ROBO2: variants seen among roughly 807,000 people sequenced by gnomAD.
The protein encoded by ROBO2 is roundabout homolog 2.
In ROBO2, 53 loss-of-function variants were observed where a neutral mutation model predicts 160.8. The ratio of observed to expected loss-of-function variants is 0.33; its 90% CI spans 0.26 to 0.41. ROBO2 has a LOEUF of 0.41. ROBO2 is among the 10% of genes least tolerant of loss of function. ROBO2 has a pLI of 1.00. For synonymous variants in ROBO2, 664 were observed against 611.7 expected (o/e 1.09, Z -1.26); for missense variants, 1,577 against 1,722.4 (o/e 0.92, Z 1.49).
chr3:77,097,058 C>G (rs2071177070), intron 1 of ROBO2, among the ~76,000 whole-genome samples: 1 of 152,174 alleles, frequency 6.6e-6, no homozygotes, highest in African/African-American at 2.4e-5. Context: ...GTCACTGCCC[C>G]CTTAAAAATC....
intron 2 of ROBO2, among the ~76,000 whole-genome samples, chr3:76,978,450 A>C (rs182912872): frequency 1.4e-4 from 22 of 152,290 alleles, no homozygotes; most frequent in Non-Finnish European, 3.1e-4. Context: ...TGAGATTTTT[A>C]GGAATATATT....
intron 2 of ROBO2, among the ~76,000 whole-genome samples, chr3:76,134,334 G>T (rs2071346552): frequency 6.6e-6 from 1 of 151,990 alleles, no homozygotes; most frequent in Non-Finnish European, 1.5e-5. Flanking sequence ...GACACACCCA[G>T]TGATGACCCT....
chr3:76,706,113 A>G (rs2093157212), intron 2 of ROBO2, among the ~76,000 whole-genome samples: 1 of 152,160 alleles, frequency 6.6e-6, no homozygotes, highest in Non-Finnish European at 1.5e-5. Context: ...TTTTGTCATA[A>G]CAATTGGCAT....
intron 2 of ROBO2, among the ~76,000 whole-genome samples, chr3:76,081,288 G>A (rs569051390): frequency 6.6e-6 from 1 of 152,098 alleles, no homozygotes; most frequent in East Asian, 1.9e-4. Context: ...ACTTGATGTA[G>A]ATACTTGAAT....
chr3:76,621,826 G>C (rs991215282), intron 2 of ROBO2, among the ~76,000 whole-genome samples: 1 of 152,126 alleles, frequency 6.6e-6, no homozygotes. Flanking sequence ...AGACTCCACA[G>C]TATGGCAGTA....
At chr3:77,279,665 C>A (rs1238728655) in intron 2 of ROBO2, among the ~76,000 whole-genome samples, 1 of 151,956 alleles carries the variant, frequency 6.6e-6, no homozygotes, top group East Asian at 1.9e-4. Context: ...CTTTACTTCT[C>A]TTTGATATAG....
intron 2 of ROBO2, among the ~76,000 whole-genome samples, chr3:75,951,618 T>A (rs1008062386): frequency 1.4e-4 from 22 of 152,058 alleles, no homozygotes; most frequent in Admixed American, 7.2e-4. Context: ...GGCTTTGGAA[T>A]TCAGGGGAAT....
At chr3:75,942,585 G>T (rs1399506314) in intron 2 of ROBO2, among the ~76,000 whole-genome samples, 9 of 152,014 alleles carry the variant, frequency 5.9e-5, no homozygotes, top group Non-Finnish European at 1.3e-4. Flanking sequence ...AATTATAAAT[G>T]CAAATATTCA....
At chr3:76,357,380 T>A (rs990458372) in intron 2 of ROBO2, among the ~76,000 whole-genome samples, 2 of 151,932 alleles carry the variant, frequency 1.3e-5, no homozygotes, top group African/African-American at 4.8e-5. Context: ...AGAAGTGAGT[T>A]ACTGGAACAT....
chr3:76,227,158 T>C, intron 2 of ROBO2, among the ~76,000 whole-genome samples: 1 of 152,228 alleles, frequency 6.6e-6, no homozygotes, highest in East Asian at 1.9e-4. Flanking sequence ...TTTCTGAAAG[T>C]ATATTTGGTG....
At chr3:77,319,600 C>T (rs2064451408) in intron 2 of ROBO2, among the ~76,000 whole-genome samples, 1 of 152,164 alleles carries the variant, frequency 6.6e-6, no homozygotes, top group South Asian at 2.1e-4. Flanking sequence ...CAATTGAAGC[C>T]TCTGAAGAGG....
At chr3:76,603,289 G>A (rs796860649) in intron 2 of ROBO2, among the ~76,000 whole-genome samples, 21 of 134,750 alleles carry the variant, frequency 1.6e-4, no homozygotes, top group East Asian at 9.0e-4. Flanking sequence ...CCAAGATTGC[G>A]CCACTGCACT....
intron 2 of ROBO2, among the ~76,000 whole-genome samples, chr3:76,873,497 T>G (rs1222792652): frequency 1.3e-5 from 2 of 152,206 alleles, no homozygotes; most frequent in African/African-American, 4.8e-5. Flanking sequence ...CTTGTGGCAC[T>G]TCTCACATAC....
At chr3:77,267,353 G>C (rs894240204) in intron 2 of ROBO2, among the ~76,000 whole-genome samples, 3 of 152,150 alleles carry the variant, frequency 2.0e-5, no homozygotes, top group Admixed American at 6.6e-5. Flanking sequence ...TAGCAATCCA[G>C]TTCTTGGACA....
In ROBO2 at chr3:76,697,126, T is replaced by C. The variant is rs558863610; in HGVS notation, c.110-400888T>C. On this transcript the variant is annotated intron_variant, in intron 2 of 26. Coordinates refer to the ROBO2 transcript ENST00000487694. ...ATATGAATATCATTGACACATGGTA[T>C]TGATAGCATTGTCATAGCCAGATCT... Among the ~76,000 whole-genome samples the C allele has an allele frequency of 3.9e-5, 6 of 152,334 alleles. 1 individual carries two copies. The highest frequency in any genetic ancestry group is 1.4e-4 in the African/African-American group (6 of 41,592).
chr3:77,608,659 A>G (rs1173169015), intron 21 of ROBO2, among the ~76,000 whole-genome samples: 6 of 152,146 alleles, frequency 3.9e-5, no homozygotes, highest in Non-Finnish European at 8.8e-5. Context: ...TCCAAGAAAA[A>G]CAAAAATTGG....
At chr3:76,837,817 G>A (rs545252060) in intron 2 of ROBO2, among the ~76,000 whole-genome samples, 2 of 152,004 alleles carry the variant, frequency 1.3e-5, no homozygotes, top group African/African-American at 4.8e-5. Context: ...CTAATATACA[G>A]TTCATATCTA....
intron 6 of ROBO2, among the ~76,000 whole-genome samples, chr3:77,526,046 A>G (rs1330338281): frequency 6.6e-6 from 1 of 151,328 alleles, no homozygotes; most frequent in Non-Finnish European, 1.5e-5. Flanking sequence ...TCCCCTGCAA[A>G]AAGAAAGAAA....
chr3:76,857,418 CAGATT>C (rs1432957139), intron 2 of ROBO2, among the ~76,000 whole-genome samples: 5 of 152,054 alleles, frequency 3.3e-5, no homozygotes, highest in Non-Finnish European at 7.4e-5. Context: ...AAAAATCTAA[CAGATT>C]AGAAGACAAA....
Sources: gnomAD v4.1 joint callset for allele counts (sites outside exome capture counted in the v4.1 genomes callset) on GRCh38, gnomAD v4.1.1 for gene constraint, MANE v1.5 for transcripts, NCBI Gene and HGNC (gene_info 2026-07-23, HGNC 2026-07-21) for gene names.